The following LRATD1 variants were observed in gnomAD, a reference collection of about 807,000 sequenced individuals.
The protein encoded by LRATD1 is LRAT domain containing 1.
In LRATD1, 8 loss-of-function variants were observed where a neutral mutation model predicts 21.3. The observed-to-expected ratio is 0.38, with a 90% CI of 0.22 to 0.68. The LOEUF (loss-of-function observed/expected upper bound fraction) is 0.68, where lower values mean the gene tolerates loss of function less well. Among genes scored for constraint, LRATD1 ranks in the 30% least tolerant of loss-of-function variants. The pLI, the probability that LRATD1 is intolerant of heterozygous loss-of-function variation, is 0.54. For missense variants in LRATD1, 380 were observed against 404.0 expected (o/e 0.94, Z 0.51); for synonymous variants, 210 against 186.2 (o/e 1.13, Z -1.04).
At chr2:14,646,668 T>C (rs1158010760) in intron 4 of LRATD1, among the ~76,000 whole-genome samples, 1 of 152,156 alleles carries the variant, frequency 6.6e-6, no homozygotes, top group African/African-American at 2.4e-5. Context: ...CTGCAATAGT[T>C]GTACAAAATA....
At chr2:14,646,305 C>G (rs904382538) in intron 3 of LRATD1, 1 of 152,162 alleles carries the variant, frequency 6.6e-6, no homozygotes, top group African/African-American at 2.4e-5. Flanking sequence ...TACTTGATGT[C>G]CAACCTCCTG....
At chr2:14,644,267 A>G, downstream of LRATD1, among the ~76,000 whole-genome samples, 1 of 152,204 alleles carries the variant, frequency 6.6e-6, no homozygotes, top group East Asian at 1.9e-4. Context: ...CAAAGGAAGA[A>G]TCACTTGAAG....
rs1671693906 is a variant in LRATD1 at position 14,636,685 on chromosome 2, T to C, written c.*1827T>C. The C allele has an allele frequency of 6.0e-6, 1 of 167,156 alleles. No individual in the cohort carries two copies. The highest frequency in any genetic ancestry group is 2.4e-5 in the African/African-American group (1 of 41,478). 10.4% of individuals were successfully genotyped at this position (167,156 alleles called of 1,614,324 possible). A position where few individuals can be genotyped will look rare whatever the true frequency, so the allele number is the denominator to read the frequency against. The stretch of plus-strand genomic sequence containing the variant: ...TTGTCAAATAATGCTGTTTAGCTAA[T>C]TGTTGCAAGCAATTGCATATTAACA... On this transcript the variant is annotated 3_prime_UTR_variant, in exon 2 of 2. Coordinates refer to ENST00000295092, the MANE Select transcript of LRATD1 (RefSeq NM_145175.4).
downstream of LRATD1, chr2:14,650,302 G>A (rs1225350458): frequency 3.3e-5 from 5 of 152,132 alleles, no homozygotes; most frequent in East Asian, 9.6e-4. Context: ...CAGGAACTCA[G>A]GTGGATTCAT....
chr2:14,645,593 C>G (rs1441996981), intron 2 of LRATD1, among the ~76,000 whole-genome samples: 1 of 152,096 alleles, frequency 6.6e-6, no homozygotes, highest in African/African-American at 2.4e-5. Context: ...TTCTACTTTT[C>G]CAATAGGATT....
downstream of LRATD1, among the ~76,000 whole-genome samples, chr2:14,651,136 T>C (rs911791340): frequency 1.3e-5 from 2 of 152,188 alleles, no homozygotes; most frequent in Non-Finnish European, 2.9e-5. Context: ...AGCATGAATT[T>C]TTATTTTGTG....
At chr2:14,644,121 T>A (rs1205012781), downstream of LRATD1, among the ~76,000 whole-genome samples, 1 of 151,892 alleles carries the variant, frequency 6.6e-6, no homozygotes, top group Non-Finnish European at 1.5e-5. Context: ...TAATTTCACG[T>A]GGATACAAAG....
chr2:14,642,500 T>C (rs2103412087), downstream of LRATD1, among the ~76,000 whole-genome samples: 3 of 152,298 alleles, frequency 2.0e-5, 1 homozygote, highest in South Asian at 6.2e-4. Flanking sequence ...AATAGACCAC[T>C]GTAGTGAATG....
chr2:14,644,763 C>T (rs1407595047), downstream of LRATD1, among the ~76,000 whole-genome samples: 1 of 151,868 alleles, frequency 6.6e-6, no homozygotes, highest in African/African-American at 2.4e-5. Flanking sequence ...AGGAGAGAGG[C>T]CGAGCTGATA....
chr2:14,635,449 G>C lies in LRATD1; in HGVS notation c.*591G>C, dbSNP rs747083515. 7 of 471,298 alleles carry C rather than the reference G, an allele frequency of 1.5e-5. No individual in the cohort carries two copies. Among genetic ancestry groups the C allele is most frequent in the South Asian group, 1.1e-4 (7 of 64,576 alleles). The allele number at this position is 471,298 out of a possible 1,614,324, so 29.2% of individuals were successfully genotyped here. On this transcript the variant is annotated 3_prime_UTR_variant, in exon 2 of 2. Coordinates refer to ENST00000295092, the MANE Select transcript of LRATD1 (RefSeq NM_145175.4). ...TCCGGGTTATCCTGAGGCTGCCCGG[G>C]ACTTTTCCAGCTCTCCAGCCCCAGG...
At chr2:14,649,689 C>T (rs1671969027), downstream of LRATD1, 1 of 221,770 alleles carries the variant, frequency 4.5e-6, no homozygotes, top group African/African-American at 2.2e-5. Context: ...ATTGCTCCAT[C>T]CTATGCCCAG....
intron 4 of LRATD1, among the ~76,000 whole-genome samples, chr2:14,647,127 T>G (rs1240721241): frequency 2.0e-5 from 3 of 152,200 alleles, no homozygotes; most frequent in Non-Finnish European, 4.4e-5. Context: ...TGAAGCTGAC[T>G]AAATGTCTAT....
exon 5 of LRATD1, chr2:14,649,364 C>CAACCACCAA (rs1352352733): frequency 2.2e-6 from 1 of 456,448 alleles, no homozygotes; most frequent in Non-Finnish European, 4.4e-6. Flanking sequence ...GGAGACCCAC[C>CAACCACCAA]AACCACCAAC....
chr2:14,642,060 T>C (rs1437661243), downstream of LRATD1: 1 of 152,316 alleles, frequency 6.6e-6, no homozygotes, highest in East Asian at 1.9e-4. Context: ...GTCTATTCAC[T>C]CAATGGAGGA....
chr2:14,643,355 C>T (rs1671838099), downstream of LRATD1, among the ~76,000 whole-genome samples: 1 of 152,178 alleles, frequency 6.6e-6, no homozygotes, highest in Admixed American at 6.5e-5. Flanking sequence ...TCCTTACAGC[C>T]TTTAAGGACT....
chr2:14,633,626 G>A lies in LRATD1; in HGVS notation c.-36-318G>A, dbSNP rs971166754. ...TTCCTGGGTGTCCGTCTCCCACACT[G>A]CCACAGCCAGCACTCTCCTCCCCAC... On this transcript the variant is annotated intron_variant, in intron 1 of 1. Transcript: ENST00000295092. The surrounding 1 kb of genome is among the most constrained non-coding windows in gnomAD (Gnocchi z 7.5). 9 of 266,884 alleles carry A rather than the reference G, an allele frequency of 3.4e-5. No homozygotes were observed. Among genetic ancestry groups the A allele is most frequent in the Admixed American group, 9.6e-5 (2 of 20,902 alleles). 16.5% of individuals were successfully genotyped at this position (266,884 alleles called of 1,614,324 possible).
downstream of LRATD1, among the ~76,000 whole-genome samples, chr2:14,643,039 G>A (rs1351544171): frequency 6.6e-6 from 1 of 152,170 alleles, no homozygotes. Context: ...ATTCTAGAGA[G>A]CTTCTTTAGA....
In LRATD1 at chr2:14,633,201, G is replaced by A. The variant is rs1019188899; in HGVS notation, c.-37+264G>A. On this transcript the variant is annotated intron_variant, in intron 1 of 1. Transcript: ENST00000295092. This position sits in a 1 kb window ranked among gnomAD's most constrained non-coding sequence, Gnocchi z 7.5. Reference sequence around the variant, plus strand: ...GATGGGGACAAGGCAAGAGAAGTAAGGGGCAGAGTGCACCTGCCTGTGAGG... The same window carrying A: ...GATGGGGACAAGGCAAGAGAAGTAAAGGGCAGAGTGCACCTGCCTGTGAGG... Among the ~76,000 whole-genome samples, 6 of 152,210 alleles carry A rather than the reference G, an allele frequency of 3.9e-5. No individual in the cohort carries two copies. Among genetic ancestry groups the A allele is most frequent in the African/African-American group, 1.4e-4 (6 of 41,464 alleles).
chr2:14,644,136 G>A (rs879932429), downstream of LRATD1, among the ~76,000 whole-genome samples: 3 of 151,828 alleles, frequency 2.0e-5, no homozygotes, highest in Admixed American at 6.6e-5. Context: ...ACAAAGCATA[G>A]TCTAGATTTC....
Sources: gnomAD v4.1 joint callset for allele counts (sites outside exome capture counted in the v4.1 genomes callset) on GRCh38, gnomAD v4.1.1 for gene constraint, Gnocchi (gnomAD v3.1) non-coding constraint, MANE v1.5 for transcripts, NCBI Gene and HGNC (gene_info 2026-07-23, HGNC 2026-07-21) for gene names.